Variants in MON1B observed in about 807,000 individuals in gnomAD.
The protein encoded by MON1B is MON1 vesicular trafficking associated B.
A neutral mutation model predicts 45.1 loss-of-function variants in MON1B; 26 were observed. That is an observed-to-expected ratio of 0.58 (90% confidence interval 0.42 to 0.80). The LOEUF is 0.80. MON1B is among the 30% of genes least tolerant of loss of function. The pLI, the probability that MON1B is intolerant of heterozygous loss-of-function variation, is 0.00. For missense variants in MON1B, 737 were observed against 754.5 expected, an observed-to-expected ratio of 0.98 and a Z score of 0.27; for synonymous variants, 395 against 320.2, an observed-to-expected ratio of 1.23 and a Z score of -2.49.
At chr16:77,191,683 T>C in intron 2 of MON1B, 50 bp downstream of exon 2, 3 of 1,566,994 alleles carry the variant, frequency 1.9e-6, no homozygotes, top group Non-Finnish European at 2.6e-6. Flanking sequence ...GGGGTTGTCA[T>C]TGTTGGACGG....
In MON1B at chr16:77,193,355, G is replaced by A; in HGVS notation, c.149-96G>A. The A allele has an allele frequency of 8.1e-7, 1 of 1,233,406 alleles. No individual in the cohort carries two copies. Among genetic ancestry groups the A allele is most frequent in the Non-Finnish European group, 1.1e-6 (1 of 884,140 alleles). The allele number at this position is 1,233,406 out of a possible 1,614,324, so 76.4% of individuals were successfully genotyped here. ...TGGAGTTCTGCGTCAGCATGCAGGG[G>A]TCATGGAGGGGCTAGTAGATATTTG... On this transcript the variant is annotated intron_variant, in intron 2 of 5. Coordinates refer to ENST00000248248, the MANE Select transcript of MON1B (RefSeq NM_014940.4). The surrounding 1 kb of genome is among the most constrained non-coding windows in gnomAD (Gnocchi z 5.0).
At position 77,194,777 on chromosome 16, in the gene MON1B, G is replaced by A. The variant is rs147145424; in HGVS notation, c.918G>A (p.Leu306=). 1.0e-4 allele frequency: 169 copies of A among 1,613,744 alleles called. No homozygotes were observed. The highest frequency in any genetic ancestry group is 1.3e-4 in the Non-Finnish European group (159 of 1,179,996). The change falls in exon 4 of 6, where the codon TTG becomes TTA. Residue 306 remains leucine, a synonymous_variant. Transcript: ENST00000248248. The surrounding 1 kb of genome is among the most constrained non-coding windows in gnomAD (Gnocchi z 8.1). Reference sequence around the variant, plus strand: ...GGCTGGACCCAGCTGACCTGCAGTTGCTGCTCGACTGGGTGGGTGCACCAG... The same window carrying A: ...GGCTGGACCCAGCTGACCTGCAGTTACTGCTCGACTGGGTGGGTGCACCAG... ...ECRLDPADLQ[L]LLDWVGAPAF...
rs2054710631 is a variant in MON1B, at chr16:77,199,762, G to A, written c.*1454G>A. The A allele has an allele frequency of 2.4e-6, 1 of 411,438 alleles. No individual in the cohort carries two copies. The highest frequency in any genetic ancestry group is 4.3e-6 in the Non-Finnish European group (1 of 231,292). 25.5% of individuals were successfully genotyped at this position (411,438 alleles called of 1,614,324 possible). A position where few individuals can be genotyped will look rare whatever the true frequency, so the allele number is the denominator to read the frequency against. On this transcript the variant is annotated 3_prime_UTR_variant, in exon 6 of 6. Transcript: ENST00000248248. ...ATACGTTGTTGAAAGTAAACAACAT[G>A]TAGTTCAGTACGAAAGTCTTCAAAC...
At chr16:77,191,322 G>A in intron 1 of MON1B, 64 bp downstream of exon 1, 1 of 1,545,332 alleles carries the variant, frequency 6.5e-7, no homozygotes, top group Non-Finnish European at 8.8e-7. Context: ...AGTGTTGGAG[G>A]GGGGACGTAT....
chr16:77,191,779 G>A (rs1597374002), intron 2 of MON1B, 146 bp downstream of exon 2: 2 of 861,352 alleles, frequency 2.3e-6, no homozygotes, highest in East Asian at 2.8e-5. Flanking sequence ...GGAGGTCACT[G>A]TGGACACATG....
At chr16:77,196,643 G>T (rs959024348) in intron 5 of MON1B, among the ~76,000 whole-genome samples, 6 of 152,160 alleles carry the variant, frequency 3.9e-5, no homozygotes, top group Non-Finnish European at 8.8e-5. Flanking sequence ...GGGCGTGGTG[G>T]TGCGCACCTG....
rs1050271762 is a variant in MON1B, at chr16:77,201,718, C to T, written c.*3410C>T. 7 of 151,948 alleles carry T rather than the reference C, an allele frequency of 4.6e-5. No individual in the cohort carries two copies. The highest frequency in any genetic ancestry group is 7.4e-5 in the Non-Finnish European group (5 of 67,994). 9.4% of individuals were successfully genotyped at this position (151,948 alleles called of 1,614,324 possible). A position where few individuals can be genotyped will look rare whatever the true frequency, so the allele number is the denominator to read the frequency against. ...ATTGCTAAGTCTAGGTTTATGTGTG[C>T]ATGCTGTGGAGTGTCTCTGTGGTGG... On this transcript the variant is annotated 3_prime_UTR_variant, in exon 6 of 6. Coordinates refer to ENST00000248248, the MANE Select transcript of MON1B (RefSeq NM_014940.4).
chr16:77,194,451 G>A lies in MON1B; in HGVS notation c.592G>A (p.Val198Met), dbSNP rs763012350. The change falls in exon 4 of 6, where the codon GTG becomes ATG. Residue 198 changes from valine to methionine, a missense_variant. Physicochemically the swap from Val to Met is conservative, Grantham distance 21. Coordinates refer to ENST00000248248, the MANE Select transcript of MON1B (RefSeq NM_014940.4). The surrounding 1 kb of genome is among the most constrained non-coding windows in gnomAD (Gnocchi z 8.1). Reference sequence around the variant, plus strand: ...GCTGCTAGCTGTGCACGCACAGATCGTGAGCACACTTACACGTGCAAGTGT... The same window carrying A: ...GCTGCTAGCTGTGCACGCACAGATCATGAGCACACTTACACGTGCAAGTGT... Reference protein sequence around the residue: ...GELLAVHAQIVSTLTRASVAR... With the variant: ...GELLAVHAQIMSTLTRASVAR... 8 of 1,613,972 alleles carry A rather than the reference G, an allele frequency of 5.0e-6. No homozygotes were observed. The highest frequency in any genetic ancestry group is 3.3e-5 in the Admixed American group (2 of 59,998).
intron 5 of MON1B, among the ~76,000 whole-genome samples, chr16:77,196,502 G>A (rs796426190): frequency 6.5e-4 from 99 of 152,330 alleles, no homozygotes; most frequent in African/African-American, 2.3e-3. Context: ...GGGGCCGGAC[G>A]TGATGGCTCA....
rs2054721762 is a variant in MON1B, at chr16:77,200,272, GTGTATATATA to G, written c.*1966_*1975del. 2 of 84,654 alleles carry G rather than the reference GTGTATATATA, an allele frequency of 2.4e-5. No individual in the cohort carries two copies. The highest frequency in any genetic ancestry group is 1.1e-4 in the African/African-American group (2 of 18,168). The allele number at this position is 84,654 out of a possible 1,614,324, so 5.2% of individuals were successfully genotyped here. A position where few individuals can be genotyped will look rare whatever the true frequency, so the allele number is the denominator to read the frequency against. ...TGTATATGTGTATATATATATATAT[GTGTATATATA>G]TATATATATACACACACTAATCAGC... On this transcript the variant is annotated 3_prime_UTR_variant, in exon 6 of 6. Transcript: ENST00000248248.
In MON1B at chr16:77,198,693, C is replaced by G. The variant is rs554929530; in HGVS notation, c.*385C>G. Reference sequence around the variant, plus strand: ...TCTGGCCAAGGTGTCTAGGGTGGCCCACGGGGGTGCTGGAATTGGCACTTC... The same window carrying G: ...TCTGGCCAAGGTGTCTAGGGTGGCCGACGGGGGTGCTGGAATTGGCACTTC... On this transcript the variant is annotated 3_prime_UTR_variant, in exon 6 of 6. Transcript: ENST00000248248. 1 of 252,280 alleles carries G rather than the reference C, an allele frequency of 4.0e-6. No homozygotes were observed. Among genetic ancestry groups the G allele is most frequent in the East Asian group, 9.1e-5 (1 of 11,040 alleles). 15.6% of individuals were successfully genotyped at this position (252,280 alleles called of 1,614,324 possible).
chr16:77,192,189 T>C lies in MON1B; in HGVS notation c.148+556T>C, dbSNP rs2054621751. ...GGAAGTCACTGAGAAGTCTGTGCCATTGATCACTTTGGAATTAGTGGATGT... is the reference window on the plus strand; with the variant it reads ...GGAAGTCACTGAGAAGTCTGTGCCACTGATCACTTTGGAATTAGTGGATGT... On this transcript the variant is annotated intron_variant, in intron 2 of 5. Coordinates refer to ENST00000248248, the MANE Select transcript of MON1B (RefSeq NM_014940.4). Among the ~76,000 whole-genome samples, 3 of 152,184 alleles carry C rather than the reference T, an allele frequency of 2.0e-5. No homozygotes were observed. In the South Asian group the frequency reaches 6.2e-4, roughly 32 times the overall value.
At position 77,200,278 on chromosome 16, in the gene MON1B, A is replaced by G. The variant is rs868611599; in HGVS notation, c.*1970A>G. The stretch of plus-strand genomic sequence containing the variant: ...TGTGTATATATATATATATGTGTAT[A>G]TATATATATATATACACACACTAAT... On this transcript the variant is annotated 3_prime_UTR_variant, in exon 6 of 6. Transcript: ENST00000248248. The G allele has an allele frequency of 1.9e-5, 2 of 107,870 alleles. No homozygotes were observed. The highest frequency in any genetic ancestry group is 1.8e-4 in the Admixed American group (2 of 10,916). The allele number at this position is 107,870 out of a possible 1,614,324, so 6.7% of individuals were successfully genotyped here. A position where few individuals can be genotyped will look rare whatever the true frequency, so the allele number is the denominator to read the frequency against.
chr16:77,191,285 G>T (rs1567416911), intron 1 of MON1B, 27 bp downstream of exon 1: 19 of 1,543,548 alleles, frequency 1.2e-5, no homozygotes, highest in Non-Finnish European at 1.6e-5. Context: ...ATTTCCTGAG[G>T]CCCAGTAGAG....
chr16:77,195,007 T>A lies in MON1B; in HGVS notation c.1148T>A (p.Leu383His). The A allele has an allele frequency of 6.2e-7, 1 of 1,613,528 alleles. No individual in the cohort carries two copies. The highest frequency in any genetic ancestry group is 8.5e-7 in the Non-Finnish European group (1 of 1,180,010). Residue 383 changes from leucine to histidine, a missense_variant, in exon 4 of 6, where the codon CTT becomes CAT. By Grantham distance (99) the Leu-to-His change is moderately conservative. Coordinates refer to ENST00000248248, the MANE Select transcript of MON1B (RefSeq NM_014940.4). ...GMHALGAMRALGEAASFSNAS... is the reference protein window; with the variant it reads ...GMHALGAMRAHGEAASFSNAS... ...CATGCCCTTGGTGCCATGCGTGCCCTTGGGGAGGCTGCCAGCTTCTCTAAT... is the reference window on the plus strand; with the variant it reads ...CATGCCCTTGGTGCCATGCGTGCCCATGGGGAGGCTGCCAGCTTCTCTAAT...
chr16:77,199,602 T>C lies in MON1B; in HGVS notation c.*1294T>C, dbSNP rs2054708487. The C allele has an allele frequency of 9.4e-7, 1 of 1,065,240 alleles. No homozygotes were observed. 66.0% of individuals were successfully genotyped at this position (1,065,240 alleles called of 1,614,324 possible). On this transcript the variant is annotated 3_prime_UTR_variant, in exon 6 of 6. Transcript: ENST00000248248. ...TCCCATTACAATAATGAAATAATGA[T>C]ATTCTAATTTTTTTAAATAAAATGT...
In MON1B at chr16:77,198,298, C is replaced by A. The variant is rs201338087; in HGVS notation, c.1634C>A (p.Thr545Asn). The change falls in exon 6 of 6, where the codon ACT (threonine) becomes AAT (asparagine). Residue 545 changes from threonine (T) to asparagine (N), a missense_variant. Thr to Asn is a moderately conservative substitution (Grantham distance 65). Transcript: ENST00000248248. ...TDQAAHNGLF[T>N]GL is the part of the protein sequence containing the mutation. Reference sequence around the variant, plus strand: ...CAAGCTGCCCATAATGGCTTGTTCACTGGACTCTGATAGTTGGAGCTCCCA... The same window carrying A: ...CAAGCTGCCCATAATGGCTTGTTCAATGGACTCTGATAGTTGGAGCTCCCA... 1.2e-6 allele frequency: 2 copies of A among 1,614,108 alleles called. No individual in the cohort carries two copies. Among genetic ancestry groups the A allele is most frequent in the African/African-American group, 1.3e-5 (1 of 75,064 alleles).
At chr16:77,191,674 G>A (rs762731444) in intron 2 of MON1B, 41 bp downstream of exon 2, 13 of 1,581,052 alleles carry the variant, frequency 8.2e-6, no homozygotes, top group Non-Finnish European at 1.1e-5. Flanking sequence ...GAATCCTTAG[G>A]GGTTGTCATT....
chr16:77,196,299 AT>A (rs1471763782), intron 5 of MON1B, among the ~76,000 whole-genome samples: 2 of 152,148 alleles, frequency 1.3e-5, no homozygotes, highest in African/African-American at 4.8e-5. Flanking sequence ...TTGTTTTTAA[AT>A]TTTTTTAACT....
Sources: allele counts gnomAD v4.1 joint callset (sites outside exome capture counted in the v4.1 genomes callset), GRCh38; gene constraint gnomAD v4.1.1; non-coding constraint Gnocchi (gnomAD v3.1); transcripts MANE v1.5; gene names NCBI Gene and HGNC (gene_info 2026-07-23, HGNC 2026-07-21).